OOSP4B: variants seen among roughly 807,000 people sequenced by gnomAD.
OOSP4B encodes the protein oocyte secreted protein family member 4B.
intron 1 of OOSP4B, among the ~76,000 whole-genome samples, chr11:60,018,373 T>A (rs912338545): frequency 6.6e-6 from 1 of 152,170 alleles, no homozygotes; most frequent in African/African-American, 2.4e-5. Flanking sequence ...TCGTATCTAG[T>A]GGATAGTGGT....
At chr11:60,027,655 TA>T (rs61649958) in intron 3 of OOSP4B, among the ~76,000 whole-genome samples, 3,969 of 62,122 alleles carry the variant, frequency 0.064, 189 homozygotes, top group African/African-American at 0.14. Context: ...GCTATGATAT[TA>T]AAAAAAAAAA....
At chr11:60,023,966 G>A (rs1436749904) in exon 2 of OOSP4B, 8 of 398,378 alleles carry the variant, frequency 2.0e-5, no homozygotes, top group East Asian at 1.8e-4. Context: ...TAGAATTGGC[G>A]ACATACACCT....
At chr11:60,028,052 A>G (rs543624416) in intron 3 of OOSP4B, among the ~76,000 whole-genome samples, 17 of 151,630 alleles carry the variant, frequency 1.1e-4, no homozygotes, top group African/African-American at 3.9e-4. Flanking sequence ...ATGTCATTTA[A>G]ATTCCTACTT....
At chr11:60,018,491 T>C (rs1854648535) in intron 1 of OOSP4B, among the ~76,000 whole-genome samples, 1 of 152,226 alleles carries the variant, frequency 6.6e-6, no homozygotes. Flanking sequence ...TGTTTTATTT[T>C]AGCTTAGAAG....
exon 1 of OOSP4B, chr11:60,017,268 T>C: frequency 5.0e-6 from 2 of 397,884 alleles, no homozygotes; most frequent in Non-Finnish European, 8.9e-6. Flanking sequence ...GGGGTTTCCC[T>C]GGGCTGCCCC....
At chr11:60,029,561 A>AAAGTC (rs1854783148) in intron 3 of OOSP4B, among the ~76,000 whole-genome samples, 3 of 152,210 alleles carry the variant, frequency 2.0e-5, no homozygotes, top group African/African-American at 7.2e-5. Flanking sequence ...CCGGAGCCTC[A>AAAGTC]AAGTCAAGTC....
intron 3 of OOSP4B, among the ~76,000 whole-genome samples, chr11:60,028,377 G>A (rs509251): frequency 0.33 from 50,376 of 151,566 alleles, 8,940 homozygotes; most frequent in East Asian, 0.52. Context: ...TGTTGGCCAG[G>A]CTCGTCTCGA....
At chr11:60,017,187 G>C (rs1027027170) in exon 1 of OOSP4B, 5 of 394,058 alleles carry the variant, frequency 1.3e-5, no homozygotes, top group African/African-American at 1.0e-4. Context: ...CAAGCTCCCA[G>C]GTTGCCTATG....
chr11:60,022,923 T>C (rs1411520894), intron 1 of OOSP4B, among the ~76,000 whole-genome samples: 1 of 152,222 alleles, frequency 6.6e-6, no homozygotes, highest in African/African-American at 2.4e-5. Context: ...AGGTTTAGTT[T>C]AATTGATACT....
intron 4 of OOSP4B, among the ~76,000 whole-genome samples, chr11:60,030,211 T>A (rs1854792980): frequency 6.6e-6 from 1 of 152,134 alleles, no homozygotes; most frequent in African/African-American, 2.4e-5. Flanking sequence ...CAAAATGAAA[T>A]TGTTGTCATA....
intron 1 of OOSP4B, 60 bp from the exon 2 acceptor site, chr11:60,023,820 G>C: frequency 2.5e-6 from 1 of 398,146 alleles, no homozygotes; most frequent in Non-Finnish European, 4.4e-6. Context: ...AGCACTGATA[G>C]TGTAATGTCT....
chr11:60,017,341 C>T lies in OOSP4B; in HGVS notation c.-51C>T. The T allele has an allele frequency of 2.5e-6, 1 of 398,698 alleles. No individual in the cohort carries two copies. Among genetic ancestry groups the T allele is most frequent in the Non-Finnish European group, 4.4e-6 (1 of 226,118 alleles). 24.7% of individuals were successfully genotyped at this position (398,698 alleles called of 1,614,324 possible). ...GGTTTATAAGCACTCAAGGAACCCC[C>T]AGCTCCTTGCCATTTCTTGTTTTCT... On this transcript the variant is annotated 5_prime_UTR_variant, in exon 1 of 5. An upstream open reading frame in the 5' UTR gains an earlier in-frame stop. Coordinates refer to ENST00000642343, the Ensembl canonical transcript of OOSP4B.
chr11:60,022,164 T>C lies in OOSP4B; in HGVS notation c.23-1716T>C, dbSNP rs181104138. The stretch of plus-strand genomic sequence containing the variant: ...GCCCTGCAAGCTTTGCTTTTTAAGA[T>C]AAATATATCTATCCTTGGGATACAA... On this transcript the variant is annotated intron_variant, in intron 1 of 4. Coordinates refer to ENST00000642343, the Ensembl canonical transcript of OOSP4B. The C allele has an allele frequency of 1.1e-4, 16 of 152,228 alleles. No individual in the cohort carries two copies. The East Asian group carries it at 2.7e-3, about 26-fold the overall frequency. The allele number at this position is 152,228 out of a possible 1,614,324, so 9.4% of individuals were successfully genotyped here. A position where few individuals can be genotyped will look rare whatever the true frequency, so the allele number is the denominator to read the frequency against.
chr11:60,024,693 C>T (rs1452185944), intron 2 of OOSP4B, among the ~76,000 whole-genome samples: 1 of 152,174 alleles, frequency 6.6e-6, no homozygotes, highest in Non-Finnish European at 1.5e-5. Flanking sequence ...CAATTTTCTC[C>T]TATCCCCCAT....
chr11:60,027,752 C>T (rs1854759138), intron 3 of OOSP4B, among the ~76,000 whole-genome samples: 1 of 147,792 alleles, frequency 6.8e-6, no homozygotes, highest in Non-Finnish European at 1.5e-5. Context: ...CCAGCCTAAC[C>T]AATGTGGTGG....
chr11:60,018,364 C>T (rs564377037), intron 1 of OOSP4B, among the ~76,000 whole-genome samples: 58 of 152,204 alleles, frequency 3.8e-4, no homozygotes, highest in African/African-American at 1.3e-3. Context: ...GTTTGTCACT[C>T]GTATCTAGTG....
intron 2 of OOSP4B, 67 bp from the exon 3 acceptor site, chr11:60,024,822 ATTTTCCTAAAGCAGATTCT>A (rs1565049355): frequency 1.9e-4 from 75 of 396,648 alleles, no homozygotes; most frequent in South Asian, 1.9e-3. Context: ...CCATTTCCGG[ATTTTCCTAAAGCAGATTCT>A]ATTAAGATCA....
At chr11:60,019,454 GT>G in intron 1 of OOSP4B, 1 of 171,320 alleles carries the variant, frequency 5.8e-6, no homozygotes, top group Non-Finnish European at 1.2e-5. Flanking sequence ...CGCGGTGAGT[GT>G]TACAGTTCTT....
At position 60,017,433 on chromosome 11, in the gene OOSP4B, T is replaced by C. The variant is rs1854639165; in HGVS notation, c.22+20T>C. The stretch of plus-strand genomic sequence containing the variant: ...TCTTAGGTAGGTCCTTCCTCTTTTC[T>C]TTATTGTTTTGGAATTCTTCTGGAT... On this transcript the variant is annotated intron_variant, in intron 1 of 4. Transcript: ENST00000642343. The C allele has an allele frequency of 5.0e-6, 2 of 398,556 alleles. No individual in the cohort carries two copies. The highest frequency in any genetic ancestry group is 8.8e-6 in the Non-Finnish European group (2 of 226,084). The allele number at this position is 398,556 out of a possible 1,614,324, so 24.7% of individuals were successfully genotyped here.
Sources: allele counts gnomAD v4.1 joint callset (sites outside exome capture counted in the v4.1 genomes callset), GRCh38; gene constraint gnomAD v4.1.1; transcripts MANE v1.5; gene names NCBI Gene and HGNC (gene_info 2026-07-23, HGNC 2026-07-21).